The following POLR2F variants were observed in gnomAD, a reference collection of about 807,000 sequenced individuals.
POLR2F encodes the protein RNA polymerase II, I and III subunit F.
Under a neutral mutation model 22.7 loss-of-function variants are expected in POLR2F, and 12 were observed. The observed-to-expected ratio is 0.53, with a 90% CI of 0.34 to 0.86. POLR2F has a LOEUF of 0.86. Among genes scored for constraint, POLR2F ranks in the 40% least tolerant of loss-of-function variants. The pLI, the probability that POLR2F is intolerant of heterozygous loss-of-function variation, is 0.02. For synonymous variants in POLR2F, 57 were observed against 66.0 expected, an observed-to-expected ratio of 0.86 and a Z score of 0.66; for missense variants, 126 against 171.5, an observed-to-expected ratio of 0.73 and a Z score of 1.48.
chr22:37,983,574 A>C (rs200683397), upstream of POLR2F: 53 of 1,610,484 alleles, frequency 3.3e-5, no homozygotes, highest in Admixed American at 6.7e-4. This position sits in a 1 kb window ranked among gnomAD's most constrained non-coding sequence, Gnocchi z 9.5. Context: ...TCGCGGATGC[A>C]CACGGGGAAC....
At position 37,978,282 on chromosome 22, in the gene POLR2F, C is replaced by A; in HGVS notation, c.293+11112C>A. 1 of 828,524 alleles carries A rather than the reference C, an allele frequency of 1.2e-6. No individual in the cohort carries two copies. The highest frequency in any genetic ancestry group is 1.8e-6 in the Non-Finnish European group (1 of 550,730). The allele number at this position is 828,524 out of a possible 1,614,324, so 51.3% of individuals were successfully genotyped here. A position where few individuals can be genotyped will look rare whatever the true frequency, so the allele number is the denominator to read the frequency against. On this transcript the variant is annotated intron_variant, in intron 4 of 4. Transcript: ENST00000405557. The surrounding 1 kb of genome is among the most constrained non-coding windows in gnomAD (Gnocchi z 5.0). ...CAGAGGACAGGACCCGGGGTGGGGG[C>A]TGTGCCCTATGATTTGTGGACTGAG... is the stretch of plus-strand genomic sequence containing the variant.
intron 2 of POLR2F, among the ~76,000 whole-genome samples, chr22:37,957,217 G>A (rs1330804510): frequency 6.6e-6 from 1 of 152,204 alleles, no homozygotes; most frequent in Non-Finnish European, 1.5e-5. Flanking sequence ...GCAGTATTTT[G>A]TAGCCTAAAG....
At chr22:38,007,401 G>A (rs910305077) in intron 1 of POLR2F, among the ~76,000 whole-genome samples, 1 of 152,156 alleles carries the variant, frequency 6.6e-6, no homozygotes, top group Non-Finnish European at 1.5e-5. Context: ...ACAGAAGGGG[G>A]ACTTAGCAGC....
Position 38,008,325 on chromosome 22 carries a change from G to A in POLR2F, c.121-17544G>A, listed in dbSNP as rs993017525. 3.3e-5 allele frequency among the ~76,000 whole-genome samples: 5 copies of A among 151,772 alleles called. No homozygotes were observed. The South Asian group carries it at 6.2e-4, about 19-fold the overall frequency. Reference sequence around the variant, plus strand: ...ACCACTTTGAGAGCCCCAGGTGGGCGGATCATCTGAGGTCAAGAGTTCAAG... The same window carrying A: ...ACCACTTTGAGAGCCCCAGGTGGGCAGATCATCTGAGGTCAAGAGTTCAAG... On this transcript the variant is annotated intron_variant, in intron 1 of 2. Transcript: ENST00000333418.
chr22:37,959,539 T>C, intron 3 of POLR2F, 63 bp downstream of exon 3: 3 of 1,558,600 alleles, frequency 1.9e-6, no homozygotes, highest in Non-Finnish European at 2.6e-6. Context: ...CTTGTACCGC[T>C]GATCTTTCCC....
chr22:37,959,299 C>T, intron 2 of POLR2F, 47 bp from the exon 3 acceptor site: 1 of 1,604,404 alleles, frequency 6.2e-7, no homozygotes, highest in Non-Finnish European at 8.5e-7. Flanking sequence ...CCCTGTAACC[C>T]AAAAGTGCCA....
intron 1 of POLR2F, among the ~76,000 whole-genome samples, chr22:38,020,476 A>C (rs1601911672): frequency 7.3e-6 from 1 of 137,342 alleles, no homozygotes; most frequent in African/African-American, 2.8e-5. Flanking sequence ...ACGGCGTTTC[A>C]CCACATTGGC....
chr22:37,995,427 C>T (rs967541828), intron 1 of POLR2F, among the ~76,000 whole-genome samples: 3 of 152,156 alleles, frequency 2.0e-5, no homozygotes, highest in Non-Finnish European at 4.4e-5. Context: ...CCTGGGGGAT[C>T]ACCTAAAGCT....
chr22:38,009,878 T>C (rs563267169), intron 1 of POLR2F, among the ~76,000 whole-genome samples: 1 of 152,364 alleles, frequency 6.6e-6, no homozygotes, highest in Admixed American at 6.5e-5. Flanking sequence ...CAGAAGAATA[T>C]GTCATTGTAT....
At chr22:38,009,708 C>T (rs1186301684) in intron 1 of POLR2F, among the ~76,000 whole-genome samples, 2 of 152,128 alleles carry the variant, frequency 1.3e-5, no homozygotes, top group Admixed American at 6.5e-5. Flanking sequence ...CAACCACGTG[C>T]AGTCACTGTA....
In POLR2F at chr22:37,986,755, G is replaced by A. The variant is rs573696221; in HGVS notation, c.120+443G>A. ...ACCAGTGCTGTGTGTGTGTGGTTGG[G>A]GCCCCTGCTGCGAACACATCCCTGC... On this transcript the variant is annotated intron_variant, in intron 1 of 2. Coordinates refer to the POLR2F transcript ENST00000333418. This position sits in a 1 kb window ranked among gnomAD's most constrained non-coding sequence, Gnocchi z 4.7. 7.4e-3 allele frequency: 3,525 copies of A among 474,222 alleles called. 27 individuals are homozygous for A. Among genetic ancestry groups the A allele is most frequent in the Middle Eastern group, 0.034 (105 of 3,126 alleles). The allele number at this position is 474,222 out of a possible 1,614,324, so 29.4% of individuals were successfully genotyped here.
chr22:37,968,945 C>T lies in POLR2F; in HGVS notation c.*1230C>T, dbSNP rs1931962998. On this transcript the variant is annotated 3_prime_UTR_variant, in exon 5 of 5. Coordinates refer to ENST00000442738, the MANE Select transcript of POLR2F (RefSeq NM_021974.5). Reference sequence around the variant, plus strand: ...ACACTCCCATCCACCCTCCTCCAAGCCTGTGGAATCCTTTAATCAAGTTGG... The same window carrying T: ...ACACTCCCATCCACCCTCCTCCAAGTCTGTGGAATCCTTTAATCAAGTTGG... The T allele has an allele frequency of 3.0e-6, 3 of 985,360 alleles. No homozygotes were observed. Among genetic ancestry groups the T allele is most frequent in the South Asian group, 4.7e-5 (1 of 21,292 alleles). 61.0% of individuals were successfully genotyped at this position (985,360 alleles called of 1,614,324 possible).
downstream of POLR2F, chr22:37,973,469 G>C (rs775950810): frequency 7.0e-7 from 1 of 1,419,522 alleles, no homozygotes; most frequent in Non-Finnish European, 9.7e-7. Context: ...GGGGCTGGGC[G>C]GGGGGTGGTG....
chr22:37,972,306 A>G (rs1569167129), downstream of POLR2F: 1 of 1,216,540 alleles, frequency 8.2e-7, no homozygotes. Flanking sequence ...AGGCTCACCA[A>G]GCAGGTAACC....
At chr22:38,012,343 A>C (rs1247665814) in intron 1 of POLR2F, among the ~76,000 whole-genome samples, 2 of 152,160 alleles carry the variant, frequency 1.3e-5, no homozygotes, top group African/African-American at 4.8e-5. Flanking sequence ...TGGCCTCCCA[A>C]AGTGCTGGGT....
chr22:37,979,246 C>T (rs1932319128), intron 4 of POLR2F, among the ~76,000 whole-genome samples: 1 of 151,784 alleles, frequency 6.6e-6, no homozygotes, highest in Non-Finnish European at 1.5e-5. Context: ...TACAGGCACG[C>T]ACCACCATGC....
chr22:38,025,621 C>T (rs747640251), intron 1 of POLR2F: 41 of 1,558,156 alleles, frequency 2.6e-5, no homozygotes, highest in Middle Eastern at 1.7e-4. Flanking sequence ...GACCCTCCTA[C>T]GCACTGGCCC....
chr22:37,987,101 C>T (rs574694083), intron 1 of POLR2F: 9 of 456,688 alleles, frequency 2.0e-5, no homozygotes, highest in African/African-American at 1.6e-4. Context: ...GGTTTGTCAC[C>T]GTCCATGGCA....
At chr22:37,990,628 A>C (rs1932706409) in intron 1 of POLR2F, among the ~76,000 whole-genome samples, 1 of 152,214 alleles carries the variant, frequency 6.6e-6, no homozygotes, top group Admixed American at 6.5e-5. Context: ...GGAGAGACCG[A>C]TGTAGAAACC....
Sources: allele counts gnomAD v4.1 joint callset (sites outside exome capture counted in the v4.1 genomes callset), GRCh38; gene constraint gnomAD v4.1.1; non-coding constraint Gnocchi (gnomAD v3.1); transcripts MANE v1.5; gene names NCBI Gene and HGNC (gene_info 2026-07-23, HGNC 2026-07-21).